COL22A1: variants seen among roughly 807,000 people sequenced by gnomAD.
COL22A1 encodes the protein collagen type XXII alpha 1 chain.
Under a neutral mutation model 248.9 loss-of-function variants are expected in COL22A1, and 221 were observed. That is an observed-to-expected ratio of 0.89 (90% CI 0.80 to 0.99). The LOEUF (loss-of-function observed/expected upper bound fraction) is 0.99. Ranked by LOEUF, COL22A1 falls within the 50% of genes least tolerant of loss-of-function variation. COL22A1 has a pLI of 0.00. For missense variants in COL22A1, 2,240 were observed against 2,179.0 expected (o/e 1.03, Z -0.56); for synonymous variants, 891 against 793.4 (o/e 1.12, Z -2.07).
intron 1 of COL22A1, among the ~76,000 whole-genome samples, chr8:138,890,892 A>T (rs544699411): frequency 1.1e-4 from 16 of 151,694 alleles, no homozygotes; most frequent in Non-Finnish European, 1.6e-4. Flanking sequence ...GCATGGCAGC[A>T]TGAGCCTGTA....
intron 5 of COL22A1, among the ~76,000 whole-genome samples, chr8:138,831,539 G>A (rs959467173): frequency 6.6e-6 from 1 of 152,188 alleles, no homozygotes; most frequent in African/African-American, 2.4e-5. Flanking sequence ...GGGGATTCAA[G>A]GAAGGCATCT....
At chr8:138,643,704 TTA>T in intron 47 of COL22A1, among the ~76,000 whole-genome samples, 2 of 147,410 alleles carry the variant, frequency 1.4e-5, no homozygotes, top group African/African-American at 5.2e-5. Flanking sequence ...TATATATATT[TTA>T]AAAAATTTTT....
intron 45 of COL22A1, among the ~76,000 whole-genome samples, chr8:138,652,755 TTTTTTTTTG>T (rs1239886366): frequency 8.5e-6 from 1 of 118,262 alleles, no homozygotes; most frequent in African/African-American, 3.2e-5. Flanking sequence ...TTTTTTTTTT[TTTTTTTTTG>T]GAGACAGAGT....
chr8:138,806,660 C>A (rs11779129), intron 10 of COL22A1, among the ~76,000 whole-genome samples: 62,656 of 152,016 alleles, frequency 0.41, 17,101 homozygotes, highest in African/African-American at 0.78. Flanking sequence ...TTAGGGTTTG[C>A]TATCACTCAT....
chr8:138,616,531 T>G (rs144597900), intron 54 of COL22A1, among the ~76,000 whole-genome samples: 45 of 152,266 alleles, frequency 3.0e-4, no homozygotes, highest in African/African-American at 1.1e-3. Flanking sequence ...AAGTGATGCT[T>G]TCCATTTATA....
chr8:138,829,981 T>C (rs780270605), intron 5 of COL22A1, among the ~76,000 whole-genome samples: 2 of 152,248 alleles, frequency 1.3e-5, no homozygotes, highest in East Asian at 1.9e-4. Context: ...CGTGTGTTTA[T>C]ATATGTACCC....
chr8:138,843,578 G>A (rs1046560422), intron 4 of COL22A1, among the ~76,000 whole-genome samples: 8 of 152,118 alleles, frequency 5.3e-5, no homozygotes, highest in Non-Finnish European at 1.2e-4. Context: ...GCCATACCCC[G>A]CACCCTCGCA....
At chr8:138,807,673 G>T in intron 10 of COL22A1, 95 bp downstream of exon 10, 1 of 1,153,764 alleles carries the variant, frequency 8.7e-7, no homozygotes, top group Non-Finnish European at 1.3e-6. Context: ...TATTAGCAAG[G>T]CAGCATCCCC....
At chr8:138,625,443 C>A (rs1020920123) in intron 51 of COL22A1, among the ~76,000 whole-genome samples, 6 of 152,178 alleles carry the variant, frequency 3.9e-5, no homozygotes, top group Non-Finnish European at 2.9e-5. Flanking sequence ...CAGAAGAATT[C>A]ACTCTCAGTG....
At chr8:138,674,697 G>C (rs1381866829) in intron 41 of COL22A1, among the ~76,000 whole-genome samples, 2 of 152,172 alleles carry the variant, frequency 1.3e-5, no homozygotes, top group African/African-American at 4.8e-5. Context: ...AATCTGCAGG[G>C]AGTAGACAGG....
At chr8:138,858,442 G>C (rs1229077091) in intron 3 of COL22A1, among the ~76,000 whole-genome samples, 2 of 152,052 alleles carry the variant, frequency 1.3e-5, no homozygotes, top group Non-Finnish European at 2.9e-5. Context: ...GTGCAGTGGT[G>C]CAATCACAGC....
intron 17 of COL22A1, among the ~76,000 whole-genome samples, chr8:138,761,342 G>A (rs1173416220): frequency 5.3e-5 from 8 of 152,152 alleles, no homozygotes; most frequent in Admixed American, 4.6e-4. Flanking sequence ...TCATACCATA[G>A]ACCATTAACT....
chr8:138,888,305 A>G (rs1222261554), intron 1 of COL22A1, among the ~76,000 whole-genome samples: 2 of 152,128 alleles, frequency 1.3e-5, no homozygotes, highest in Non-Finnish European at 2.9e-5. Context: ...GAAGGCACAG[A>G]GGTGGGGATG....
chr8:138,765,120 A>G (rs1458252731), intron 16 of COL22A1, among the ~76,000 whole-genome samples: 30 of 152,162 alleles, frequency 2.0e-4, no homozygotes, highest in Admixed American at 2.0e-3. Context: ...AAGCACCAAC[A>G]AGAAATGAGG....
chr8:138,681,655 C>G (rs189863468), intron 39 of COL22A1, among the ~76,000 whole-genome samples: 1 of 152,102 alleles, frequency 6.6e-6, no homozygotes, highest in Non-Finnish European at 1.5e-5. Context: ...CACCACATCA[C>G]GGGGGAGCCT....
chr8:138,667,367 T>C (rs576133390), intron 41 of COL22A1, among the ~76,000 whole-genome samples: 1 of 152,110 alleles, frequency 6.6e-6, no homozygotes. Context: ...AAGGAGACCA[T>C]CAAAGATTGC....
intron 3 of COL22A1, among the ~76,000 whole-genome samples, chr8:138,864,996 C>T (rs191635854): frequency 7.9e-5 from 12 of 152,360 alleles, no homozygotes; most frequent in Non-Finnish European, 1.6e-4. Flanking sequence ...CCTTCCACCC[C>T]TTCAGCCATT....
intron 25 of COL22A1, among the ~76,000 whole-genome samples, chr8:138,723,920 C>T (rs76475327): frequency 6.6e-6 from 1 of 152,182 alleles, no homozygotes. Flanking sequence ...TCTGCTTCAC[C>T]TCCGCCTCAC....
chr8:138,622,401 C>A (rs1439540354), intron 52 of COL22A1, among the ~76,000 whole-genome samples: 3 of 152,080 alleles, frequency 2.0e-5, no homozygotes, highest in African/African-American at 7.2e-5. Flanking sequence ...CCGAAGCAAG[C>A]TTTTATTGCT....
Sources: allele counts gnomAD v4.1 joint callset (sites outside exome capture counted in the v4.1 genomes callset), GRCh38; gene constraint gnomAD v4.1.1; transcripts MANE v1.5; gene names NCBI Gene and HGNC (gene_info 2026-07-23, HGNC 2026-07-21).